ZSWIM5: variants seen among roughly 807,000 people sequenced by gnomAD.
The protein encoded by ZSWIM5 is zinc finger SWIM domain-containing protein 5.
A neutral mutation model predicts 119.6 loss-of-function variants in ZSWIM5; 55 were observed. The ratio of observed to expected loss-of-function variants is 0.46; its 90% confidence interval spans 0.37 to 0.58. ZSWIM5 has a LOEUF of 0.58. Among genes scored for constraint, ZSWIM5 ranks in the 20% least tolerant of loss-of-function variants. The pLI is 0.00. For synonymous variants in ZSWIM5, 537 were observed against 606.9 expected (o/e 0.88, Z 1.69); for missense variants, 1,193 against 1,512.8 (o/e 0.79, Z 3.51).
At chr1:45,170,008 G>T (rs1208380338) in intron 1 of ZSWIM5, among the ~76,000 whole-genome samples, 1 of 151,930 alleles carries the variant, frequency 6.6e-6, no homozygotes, top group Admixed American at 6.6e-5. Flanking sequence ...TGTGTAAATT[G>T]CTATTTTATT....
chr1:45,168,515 A>G (rs1645924765), intron 1 of ZSWIM5, among the ~76,000 whole-genome samples: 1 of 151,062 alleles, frequency 6.6e-6, no homozygotes, highest in South Asian at 2.1e-4. Context: ...AAATACAAAA[A>G]TTAACTGGGT....
At position 45,060,108 on chromosome 1, in the gene ZSWIM5, C is replaced by T. The variant is rs774869426; in HGVS notation, c.1092G>A (p.Met364Ile). The T allele has an allele frequency of 2.5e-6, 4 of 1,614,138 alleles. No individual in the cohort carries two copies. In the South Asian group the frequency reaches 3.3e-5, roughly 13 times the overall value. ...YCGSGKQLNS[M>I]FAKVREMLRM... ...CCTTTTCATATCTTACCTTGGCAAA[C>T]ATTGAGTTGAGTTGCTTTCCAGAGC... is the stretch of plus-strand genomic sequence containing the variant. Residue 364 changes from methionine to isoleucine, a missense_variant, in exon 3 of 14, where the codon ATG becomes ATA. By Grantham distance (10) the Met-to-Ile change is conservative. Around this residue, in one of 2 missense-constraint regions of ZSWIM5, gnomAD observed 961 missense variants for 1,290.0 expected, o/e 0.74. Coordinates refer to ENST00000359600, the MANE Select transcript of ZSWIM5 (RefSeq NM_020883.2).
chr1:45,084,859 A>G (rs1645315875), intron 2 of ZSWIM5, among the ~76,000 whole-genome samples: 1 of 152,222 alleles, frequency 6.6e-6, no homozygotes, highest in African/African-American at 2.4e-5. Flanking sequence ...TTCCAGGTGC[A>G]CAGTATAAGC....
At chr1:45,192,308 C>A (rs963009986) in intron 1 of ZSWIM5, among the ~76,000 whole-genome samples, 1 of 152,196 alleles carries the variant, frequency 6.6e-6, no homozygotes, top group African/African-American at 2.4e-5. Flanking sequence ...CAGCCCCTGA[C>A]AACCTCTATT....
chr1:45,131,463 T>C (rs346695), intron 1 of ZSWIM5, among the ~76,000 whole-genome samples: 25,499 of 152,026 alleles, frequency 0.17, 2,258 homozygotes, highest in African/African-American at 0.21. Flanking sequence ...GTGGCTCATG[T>C]CTGTAATTCT....
chr1:45,050,563 ACT>A (rs1158231690), intron 5 of ZSWIM5, among the ~76,000 whole-genome samples: 1 of 152,160 alleles, frequency 6.6e-6, no homozygotes, highest in African/African-American at 2.4e-5. Context: ...GTATCACTGT[ACT>A]GGATGTGTCT....
chr1:45,079,139 G>A (rs1203591429), intron 2 of ZSWIM5, among the ~76,000 whole-genome samples: 2 of 150,940 alleles, frequency 1.3e-5, no homozygotes, highest in African/African-American at 2.4e-5. Flanking sequence ...CTCCCCCATT[G>A]AGCACCTTGT....
chr1:45,043,133 G>A (rs1392451816), intron 6 of ZSWIM5, 86 bp downstream of exon 6: 1 of 1,335,834 alleles, frequency 7.5e-7, no homozygotes, highest in African/African-American at 1.4e-5. Context: ...TGTAGTTTGA[G>A]TTGCAGGTAC....
chr1:45,191,663 G>A (rs1238357514), intron 1 of ZSWIM5, among the ~76,000 whole-genome samples: 3 of 152,148 alleles, frequency 2.0e-5, no homozygotes, highest in African/African-American at 4.8e-5. Context: ...AGAGAATTGA[G>A]GCTCAGAGAG....
chr1:45,170,593 T>G (rs1183867502), intron 1 of ZSWIM5, among the ~76,000 whole-genome samples: 1 of 147,244 alleles, frequency 6.8e-6, no homozygotes, highest in Non-Finnish European at 1.5e-5. Context: ...CCTGGCTAAT[T>G]TTTTTACTTT....
chr1:45,028,302 T>C (rs1273459049), intron 11 of ZSWIM5, among the ~76,000 whole-genome samples: 2 of 152,264 alleles, frequency 1.3e-5, no homozygotes, highest in East Asian at 3.8e-4. Flanking sequence ...TGAAGACTTA[T>C]TCCTATGTTT....
At chr1:45,058,491 C>A in intron 4 of ZSWIM5, 118 bp downstream of exon 4, 7 of 1,324,146 alleles carry the variant, frequency 5.3e-6, no homozygotes, top group Admixed American at 2.1e-5. Flanking sequence ...GAACCTAAGT[C>A]TTCTACCAGC....
chr1:45,172,488 A>G (rs1645952149), intron 1 of ZSWIM5, among the ~76,000 whole-genome samples: 1 of 152,154 alleles, frequency 6.6e-6, no homozygotes, highest in African/African-American at 2.4e-5. Flanking sequence ...AAAAGTGCTA[A>G]TTTATATTTT....
intron 11 of ZSWIM5, among the ~76,000 whole-genome samples, chr1:45,027,022 T>C (rs1194592637): frequency 6.6e-6 from 1 of 152,116 alleles, no homozygotes; most frequent in Non-Finnish European, 1.5e-5. Flanking sequence ...AAATTTTTTT[T>C]TTATTATCCT....
chr1:45,162,920 A>C (rs1645872777), intron 1 of ZSWIM5, among the ~76,000 whole-genome samples: 1 of 152,248 alleles, frequency 6.6e-6, no homozygotes, highest in Admixed American at 6.5e-5. Flanking sequence ...AAAAGGCAGC[A>C]GAAACTTCTG....
At chr1:45,128,652 T>G (rs1357375824) in intron 1 of ZSWIM5, among the ~76,000 whole-genome samples, 2 of 152,186 alleles carry the variant, frequency 1.3e-5, no homozygotes, top group Non-Finnish European at 2.9e-5. Flanking sequence ...TTTGTTAATA[T>G]TAGGGTCCAT....
chr1:45,189,495 C>T (rs913009696), intron 1 of ZSWIM5, among the ~76,000 whole-genome samples: 1 of 152,138 alleles, frequency 6.6e-6, no homozygotes, highest in South Asian at 2.1e-4. Context: ...GTGACTCACA[C>T]CTGCAATCCC....
chr1:45,059,528 GGATA>G (rs923647472), intron 3 of ZSWIM5, among the ~76,000 whole-genome samples: 145 of 152,134 alleles, frequency 9.5e-4, no homozygotes, highest in African/African-American at 3.3e-3. Context: ...GACAAGGGAG[GGATA>G]GGTAAGGGTA....
At chr1:45,174,686 G>A (rs1169750833) in intron 1 of ZSWIM5, among the ~76,000 whole-genome samples, 1 of 152,018 alleles carries the variant, frequency 6.6e-6, no homozygotes, top group East Asian at 1.9e-4. Context: ...TTTGCAGTGA[G>A]CTGAGATCGC....
Sources: allele counts gnomAD v4.1 joint callset (sites outside exome capture counted in the v4.1 genomes callset), GRCh38; gene constraint gnomAD v4.1.1; regional missense constraint gnomAD v4.1.1; transcripts MANE v1.5; gene names NCBI Gene and HGNC (gene_info 2026-07-23, HGNC 2026-07-21).